The following PREX2 variants were observed in gnomAD, a reference collection of about 807,000 sequenced individuals.
The protein encoded by PREX2 is phosphatidylinositol-3,4,5-trisphosphate dependent Rac exchange factor 2.
PREX2 carries 107 observed loss-of-function variants against 203.2 expected under a neutral mutation model. The ratio of observed to expected loss-of-function variants is 0.53; its 90% confidence interval spans 0.45 to 0.62. PREX2 has a LOEUF of 0.62. Among genes scored for constraint, PREX2 ranks in the 20% least tolerant of loss-of-function variants. The pLI is 0.00. For synonymous variants in PREX2, 672 were observed against 663.6 expected (o/e 1.01, Z -0.19); for missense variants, 1,777 against 1,955.9 (o/e 0.91, Z 1.72).
intron 37 of PREX2, among the ~76,000 whole-genome samples, chr8:68,206,961 G>A (rs1305392391): frequency 1.3e-5 from 2 of 152,134 alleles, no homozygotes; most frequent in East Asian, 1.9e-4. Flanking sequence ...CCAAAGGAGA[G>A]CATACATACT....
chr8:68,118,355 C>CAA (rs370448093), intron 26 of PREX2, among the ~76,000 whole-genome samples, 195 bp from the exon 27 acceptor site: 6 of 82,660 alleles, frequency 7.3e-5, no homozygotes, highest in South Asian at 3.9e-4. Context: ...ACTCCGTCTC[C>CAA]AAAAAAAAAA....
rs1813177781 is a variant in PREX2, at chr8:68,231,938, T to C, written c.*560T>C. ...ATGTGTAAAAGGTGGAAAAGCATGC[T>C]TTACTCTTTCTCCTAAGGGCTTATT... On this transcript the variant is annotated 3_prime_UTR_variant, in exon 40 of 40. Transcript: ENST00000288368. 6.6e-6 allele frequency: 1 copy of C among 152,308 alleles called. No homozygotes were observed. Among genetic ancestry groups the C allele is most frequent in the Non-Finnish European group, 1.5e-5 (1 of 68,108 alleles). The allele number at this position is 152,308 out of a possible 1,614,324, so 9.4% of individuals were successfully genotyped here.
intron 11 of PREX2, among the ~76,000 whole-genome samples, chr8:68,067,010 G>A (rs1809034677): frequency 6.6e-6 from 1 of 151,952 alleles, no homozygotes. Context: ...TGTGTTCTTG[G>A]CACCTTTGTG....
At chr8:67,959,233 G>A (rs1274509523) in intron 1 of PREX2, among the ~76,000 whole-genome samples, 1 of 152,146 alleles carries the variant, frequency 6.6e-6, no homozygotes, top group Non-Finnish European at 1.5e-5. Context: ...TCTCTTTAAA[G>A]TGGCAGGACT....
chr8:68,037,643 A>C (rs1351172205), intron 6 of PREX2, among the ~76,000 whole-genome samples: 1 of 152,160 alleles, frequency 6.6e-6, no homozygotes, highest in African/African-American at 2.4e-5. Flanking sequence ...ATAGGGTGAA[A>C]GGCTCTGTGG....
chr8:68,110,232 G>A (rs547669153), intron 25 of PREX2, among the ~76,000 whole-genome samples: 1 of 152,294 alleles, frequency 6.6e-6, no homozygotes, highest in African/African-American at 2.4e-5. Flanking sequence ...GAATATGATG[G>A]TTGGAGAATT....
intron 15 of PREX2, 90 bp from the exon 16 acceptor site, chr8:68,080,353 G>A (rs1473392792): frequency 3.6e-6 from 4 of 1,109,148 alleles, no homozygotes; most frequent in African/African-American, 1.6e-5. Flanking sequence ...GGTTATGGGT[G>A]CAGGTATTAA....
At chr8:68,062,081 A>G (rs989801584) in intron 11 of PREX2, among the ~76,000 whole-genome samples, 1 of 152,136 alleles carries the variant, frequency 6.6e-6, no homozygotes, top group Non-Finnish European at 1.5e-5. Flanking sequence ...GGTGTTGCCT[A>G]CGTGATGGTA....
At chr8:68,168,909 C>CTTT (rs60305267) in intron 35 of PREX2, among the ~76,000 whole-genome samples, 2,547 of 149,290 alleles carry the variant, frequency 0.017, 65 homozygotes, top group African/African-American at 0.055. Context: ...CAGAAGATGA[C>CTTT]TTTTTTTTTT....
intron 8 of PREX2, among the ~76,000 whole-genome samples, chr8:68,047,469 TTA>T (rs3056653): frequency 0.033 from 3,845 of 117,348 alleles, 63 homozygotes; most frequent in Admixed American, 0.049. Flanking sequence ...ATGGATGAAT[TTA>T]TATATATATA....
At chr8:67,953,455 G>C (rs1805412209) in intron 1 of PREX2, among the ~76,000 whole-genome samples, 1 of 151,982 alleles carries the variant, frequency 6.6e-6, no homozygotes, top group African/African-American at 2.4e-5. Flanking sequence ...TTGAGCCTTG[G>C]CTTCTTTCCA....
chr8:68,024,373 C>G (rs115738560), intron 4 of PREX2, among the ~76,000 whole-genome samples: 1 of 151,892 alleles, frequency 6.6e-6, no homozygotes, highest in African/African-American at 2.4e-5. Context: ...TAGATATGCA[C>G]GCATTCATAA....
chr8:68,126,860 T>A (rs1225562289), intron 30 of PREX2, among the ~76,000 whole-genome samples: 1 of 151,864 alleles, frequency 6.6e-6, no homozygotes, highest in Non-Finnish European at 1.5e-5. Context: ...TACACACACG[T>A]ATGTGTGTGT....
chr8:68,222,620 C>A (rs1317950150), intron 38 of PREX2, among the ~76,000 whole-genome samples: 1 of 150,704 alleles, frequency 6.6e-6, no homozygotes, highest in Non-Finnish European at 1.5e-5. Context: ...GATACACCAA[C>A]AGAGGCTAAA....
intron 37 of PREX2, among the ~76,000 whole-genome samples, chr8:68,202,727 C>G (rs1180949462): frequency 6.6e-6 from 1 of 152,122 alleles, no homozygotes; most frequent in Non-Finnish European, 1.5e-5. Flanking sequence ...AGGGACAGAA[C>G]TGATAGGACA....
intron 4 of PREX2, among the ~76,000 whole-genome samples, 174 bp downstream of exon 4, chr8:68,022,314 T>A (rs946151800): frequency 6.6e-6 from 1 of 152,036 alleles, no homozygotes; most frequent in Non-Finnish European, 1.5e-5. Context: ...GATCAGCTTG[T>A]GTTTGGGGAA....
intron 39 of PREX2, among the ~76,000 whole-genome samples, chr8:68,229,866 A>T (rs1813131948): frequency 6.6e-6 from 1 of 152,208 alleles, no homozygotes; most frequent in African/African-American, 2.4e-5. Context: ...TTATTCTTTC[A>T]TTATCCCAGC....
At chr8:68,056,599 T>A (rs1585744085) in intron 10 of PREX2, among the ~76,000 whole-genome samples, 1 of 109,180 alleles carries the variant, frequency 9.2e-6, no homozygotes, top group Non-Finnish European at 1.8e-5. Context: ...GAAGGTTAGC[T>A]GCCTTCAGGT....
intron 33 of PREX2, among the ~76,000 whole-genome samples, chr8:68,144,201 GA>G: frequency 1.3e-5 from 2 of 152,150 alleles, no homozygotes; most frequent in Admixed American, 1.3e-4. Context: ...ATAAACTTTA[GA>G]ATTAGTTTGT....
Sources: allele counts gnomAD v4.1 joint callset (sites outside exome capture counted in the v4.1 genomes callset), GRCh38; gene constraint gnomAD v4.1.1; transcripts MANE v1.5; gene names NCBI Gene and HGNC (gene_info 2026-07-23, HGNC 2026-07-21).